TRIO: variants seen among roughly 807,000 people sequenced by gnomAD.
TRIO encodes the protein triple functional domain protein.
TRIO carries 58 observed loss-of-function variants against 351.9 expected under a neutral mutation model. The ratio of observed to expected loss-of-function variants is 0.16; its 90% CI spans 0.13 to 0.21. The LOEUF (loss-of-function observed/expected upper bound fraction) is 0.21. Ranked by LOEUF, TRIO falls within the 10% of genes least tolerant of loss-of-function variation. TRIO has a pLI of 1.00. For synonymous variants in TRIO, 1,758 were observed against 1,595.7 expected, an observed-to-expected ratio of 1.10 and a Z score of -2.42; for missense variants, 3,201 against 4,027.8, an observed-to-expected ratio of 0.79 and a Z score of 5.56.
intron 1 of TRIO, among the ~76,000 whole-genome samples, chr5:14,193,429 G>T (rs981078082): frequency 2.6e-5 from 4 of 152,076 alleles, no homozygotes; most frequent in African/African-American, 9.7e-5. Flanking sequence ...CATATTTTCT[G>T]TTTAGTTTTA....
intron 1 of TRIO, among the ~76,000 whole-genome samples, chr5:14,202,580 G>A (rs1480717955): frequency 6.6e-6 from 1 of 151,378 alleles, no homozygotes; most frequent in Non-Finnish European, 1.5e-5. Flanking sequence ...TTGTGAGAGG[G>A]ACTTGGTGGA....
At chr5:14,195,567 T>A (rs1790722108) in intron 1 of TRIO, among the ~76,000 whole-genome samples, 1 of 152,238 alleles carries the variant, frequency 6.6e-6, no homozygotes, top group Admixed American at 6.5e-5. Flanking sequence ...CTTTTACCCA[T>A]TAATTTTGTA....
At chr5:14,153,753 A>G (rs941384518) in intron 1 of TRIO, among the ~76,000 whole-genome samples, 1 of 152,088 alleles carries the variant, frequency 6.6e-6, no homozygotes, top group African/African-American at 2.4e-5. Context: ...AGCCCCCTCC[A>G]TGCCCCTTCC....
intron 1 of TRIO, among the ~76,000 whole-genome samples, chr5:14,214,292 G>GC (rs1200007857): frequency 6.6e-6 from 1 of 152,178 alleles, no homozygotes; most frequent in Non-Finnish European, 1.5e-5. Flanking sequence ...AGCCCTTCAG[G>GC]CCCCAAGGAA....
chr5:14,459,214 C>T (rs940914588), intron 34 of TRIO, among the ~76,000 whole-genome samples: 4 of 152,188 alleles, frequency 2.6e-5, no homozygotes, highest in Non-Finnish European at 4.4e-5. Flanking sequence ...GTCCCAGCGT[C>T]GGAAGCACTT....
At chr5:14,481,434 C>A in intron 44 of TRIO, 107 bp from the exon 45 acceptor site, 1 of 1,497,822 alleles carries the variant, frequency 6.7e-7, no homozygotes, top group Non-Finnish European at 9.3e-7. Context: ...GCCCTGCACA[C>A]TAGAGGGTGG....
chr5:14,289,384 TCA>T lies in TRIO; in HGVS notation c.541-1331_541-1330del, dbSNP rs774150012. Among the ~76,000 whole-genome samples, 5 of 151,718 alleles carry T rather than the reference TCA, an allele frequency of 3.3e-5. No homozygotes were observed. The East Asian group carries it at 7.9e-4, about 24-fold the overall frequency. ...TGGGCAACAAGAGCAAAACCCTGTC[TCA>T]AAAAACAAACAAACAAAAATCACCA... On this transcript the variant is annotated intron_variant, in intron 4 of 56. Coordinates refer to ENST00000344204, the MANE Select transcript of TRIO (RefSeq NM_007118.4).
At chr5:14,473,533 A>G (rs764626630) in intron 39 of TRIO, among the ~76,000 whole-genome samples, 3 of 152,180 alleles carry the variant, frequency 2.0e-5, no homozygotes, top group Admixed American at 2.0e-4. Flanking sequence ...AGCATATTCA[A>G]TCAACTGTTG....
At chr5:14,216,371 C>T (rs1269526186) in intron 1 of TRIO, among the ~76,000 whole-genome samples, 1 of 152,150 alleles carries the variant, frequency 6.6e-6, no homozygotes, top group African/African-American at 2.4e-5. Flanking sequence ...GTTAGTTTTG[C>T]CTGCCCATTT....
intron 10 of TRIO, among the ~76,000 whole-genome samples, chr5:14,333,646 T>C (rs150445640): frequency 5.1e-4 from 77 of 152,332 alleles, no homozygotes; most frequent in African/African-American, 1.9e-3. Flanking sequence ...TTATTTTCCA[T>C]TGAATTCTAA....
intron 29 of TRIO, 70 bp from the exon 30 acceptor site, chr5:14,398,810 T>C (rs1747830248): frequency 7.0e-7 from 1 of 1,434,972 alleles, no homozygotes; most frequent in Non-Finnish European, 9.5e-7. Context: ...AAAATACTAA[T>C]AATGCTTTCT....
intron 1 of TRIO, among the ~76,000 whole-genome samples, chr5:14,154,804 T>A (rs1196949239): frequency 1.3e-5 from 2 of 152,224 alleles, no homozygotes; most frequent in Non-Finnish European, 2.9e-5. Context: ...CACTGTATAA[T>A]CAGAAGGTAG....
chr5:14,412,531 A>G (rs558766460), intron 33 of TRIO, among the ~76,000 whole-genome samples: 6 of 152,188 alleles, frequency 3.9e-5, no homozygotes, highest in African/African-American at 1.2e-4. Flanking sequence ...TTCTGCCTCT[A>G]TTCACCACAT....
chr5:14,348,327 T>C (rs968196056), intron 11 of TRIO, among the ~76,000 whole-genome samples: 6 of 152,254 alleles, frequency 3.9e-5, no homozygotes, highest in African/African-American at 1.4e-4. Context: ...ATACACTCTT[T>C]AGACTTCTTA....
rs563037475 is a variant in TRIO, at chr5:14,182,010, T to C, written c.157+38128T>C. Reference sequence around the variant, plus strand: ...CCTCCCTGACTTGTATTTAAGAAATTAATATTTTGAATATGAACACCACTT... The same window carrying C: ...CCTCCCTGACTTGTATTTAAGAAATCAATATTTTGAATATGAACACCACTT... On this transcript the variant is annotated intron_variant, in intron 1 of 56. Coordinates refer to ENST00000344204, the MANE Select transcript of TRIO (RefSeq NM_007118.4). 4.2e-4 allele frequency among the ~76,000 whole-genome samples: 64 copies of C among 152,328 alleles called. 1 individual carries two copies. The highest frequency in any genetic ancestry group is 1.9e-3 in the South Asian group (9 of 4,824).
At chr5:14,321,683 C>A (rs964791992) in intron 9 of TRIO, among the ~76,000 whole-genome samples, 2 of 152,110 alleles carry the variant, frequency 1.3e-5, no homozygotes, top group African/African-American at 4.8e-5. Context: ...CCCTTGTGGA[C>A]GCCTGATATG....
intron 1 of TRIO, among the ~76,000 whole-genome samples, chr5:14,155,293 G>A (rs1309143690): frequency 6.6e-6 from 1 of 152,134 alleles, no homozygotes; most frequent in Non-Finnish European, 1.5e-5. Flanking sequence ...TTTGAGAGTA[G>A]GTTACAAATA....
chr5:14,387,346 A>G, intron 21 of TRIO, 92 bp from the exon 22 acceptor site: 2 of 1,329,900 alleles, frequency 1.5e-6, no homozygotes, highest in South Asian at 1.5e-5. Flanking sequence ...TCCTGTTCAG[A>G]GCTCAGAGTT....
chr5:14,435,554 C>G (rs1751513850), intron 34 of TRIO, among the ~76,000 whole-genome samples: 1 of 152,242 alleles, frequency 6.6e-6, no homozygotes, highest in Non-Finnish European at 1.5e-5. Context: ...TGGCATCCCT[C>G]AGTAGTTCTT....
Sources: allele counts gnomAD v4.1 joint callset (sites outside exome capture counted in the v4.1 genomes callset), GRCh38; gene constraint gnomAD v4.1.1; transcripts MANE v1.5; gene names NCBI Gene and HGNC (gene_info 2026-07-23, HGNC 2026-07-21).